SAFB: variants seen among roughly 807,000 people sequenced by gnomAD.
SAFB encodes the protein scaffold attachment factor B1.
SAFB carries 15 observed loss-of-function variants against 101.6 expected under a neutral mutation model. The observed-to-expected ratio is 0.15, with a 90% CI of 0.10 to 0.23. SAFB has a LOEUF of 0.23. SAFB is among the 10% of genes least tolerant of loss of function. The pLI is 1.00. For missense variants in SAFB, 930 were observed against 1,104.1 expected (o/e 0.84, Z 2.23); for synonymous variants, 449 against 407.5 (o/e 1.10, Z -1.23).
chr19:5,639,377 CAATT>C (rs753024786), intron 2 of SAFB, among the ~76,000 whole-genome samples: 2 of 152,212 alleles, frequency 1.3e-5, no homozygotes, highest in East Asian at 1.9e-4. Context: ...ATTTTAAAAA[CAATT>C]AATAGCTTGG....
intron 14 of SAFB, among the ~76,000 whole-genome samples, chr19:5,659,491 C>T (rs2054145444): frequency 6.6e-6 from 1 of 151,796 alleles, no homozygotes; most frequent in South Asian, 2.1e-4. Context: ...ACACCATTCT[C>T]CTGCCTCAGC....
Position 5,623,165 on chromosome 19 carries a change from C to T in SAFB, c.-41C>T, listed in dbSNP as rs780589814. ...TGCTAGGAGCCTGATAAAACCGGCC[C>T]GGTTCTGTGGAAAGTGGGCGGCGGA... On this transcript the variant is annotated 5_prime_UTR_variant, in exon 1 of 21. Transcript: ENST00000588852. 17 of 1,546,216 alleles carry T rather than the reference C, an allele frequency of 1.1e-5. No individual in the cohort carries two copies. Among genetic ancestry groups the T allele is most frequent in the Non-Finnish European group, 1.4e-5 (16 of 1,143,660 alleles).
At chr19:5,664,215 T>G in intron 16 of SAFB, 56 bp downstream of exon 16, 2 of 1,586,906 alleles carry the variant, frequency 1.3e-6, no homozygotes, top group Non-Finnish European at 1.7e-6. Flanking sequence ...TCATTCTGAC[T>G]GAGAACAAGG....
intron 2 of SAFB, among the ~76,000 whole-genome samples, chr19:5,633,643 G>C (rs2053535685): frequency 6.6e-6 from 1 of 152,168 alleles, no homozygotes; most frequent in Admixed American, 6.5e-5. Context: ...GGCAGGCGTG[G>C]TGGCGGGCGC....
chr19:5,653,006 A>G lies in SAFB; in HGVS notation c.1294-109A>G, dbSNP rs138051976. On this transcript the variant is annotated intron_variant, in intron 9 of 20. Transcript: ENST00000588852. Reference sequence around the variant, plus strand: ...TTAGTAGCATTGTCCTCCCCAGTCTAACACTTGTCGGACCCCTGATGAGCA... The same window carrying G: ...TTAGTAGCATTGTCCTCCCCAGTCTGACACTTGTCGGACCCCTGATGAGCA... 4.2e-4 allele frequency: 466 copies of G among 1,098,254 alleles called. 3 individuals carry two copies. The Middle Eastern group carries it at 5.8e-3, about 14-fold the overall frequency. 68.0% of individuals were successfully genotyped at this position (1,098,254 alleles called of 1,614,324 possible).
chr19:5,623,298 C>T lies in SAFB; in HGVS notation c.93C>T (p.Leu31=), dbSNP rs746792842. Residue 31 remains leucine (L), a synonymous_variant, in exon 1 of 21, where the codon CTC becomes CTT. Transcript: ENST00000588852. Reference sequence around the variant, plus strand: ...CGTCAGAGACCGGGACGCGGCGCCTCAGCGACCTGCGAGTGATCGATCTGC... The same window carrying T: ...CGTCAGAGACCGGGACGCGGCGCCTTAGCGACCTGCGAGTGATCGATCTGC... ...SASSETGTRR[L]SDLRVIDLRA... is the part of the protein sequence containing the mutation. 1.2e-6 allele frequency: 2 copies of T among 1,613,964 alleles called. No individual in the cohort carries two copies. Among genetic ancestry groups the T allele is most frequent in the African/African-American group, 1.3e-5 (1 of 75,056 alleles).
intron 14 of SAFB, among the ~76,000 whole-genome samples, chr19:5,660,342 C>CTTTTTTT (rs11360129): frequency 3.9e-5 from 2 of 50,936 alleles, no homozygotes; most frequent in Non-Finnish European, 6.9e-5. Flanking sequence ...CTGCACACAC[C>CTTTTTTT]TTTTTTTTTT....
intron 13 of SAFB, 109 bp downstream of exon 13, chr19:5,654,565 C>A: frequency 1.3e-6 from 1 of 780,660 alleles, no homozygotes; most frequent in Non-Finnish European, 2.2e-6. Context: ...TTTTGTCGGC[C>A]GTTTCGAAAA....
chr19:5,625,835 C>CGGAT (rs1056965375), intron 1 of SAFB, among the ~76,000 whole-genome samples: 1 of 152,086 alleles, frequency 6.6e-6, no homozygotes, highest in African/African-American at 2.4e-5. Flanking sequence ...TGATGGGGAT[C>CGGAT]GGATGAGGTC....
At chr19:5,648,179 C>A in intron 6 of SAFB, 136 bp downstream of exon 6, 1 of 719,884 alleles carries the variant, frequency 1.4e-6, no homozygotes, top group Non-Finnish European at 2.3e-6. Flanking sequence ...CAATCCAAAA[C>A]CTACCAGGAT....
intron 2 of SAFB, among the ~76,000 whole-genome samples, chr19:5,631,165 G>A (rs902285433): frequency 2.0e-5 from 3 of 152,182 alleles, no homozygotes; most frequent in African/African-American, 7.2e-5. Flanking sequence ...ACTCCAGCCT[G>A]GGCAACAGTG....
At chr19:5,645,107 T>C (rs1172603121) in intron 4 of SAFB, among the ~76,000 whole-genome samples, 1 of 152,228 alleles carries the variant, frequency 6.6e-6, no homozygotes, top group African/African-American at 2.4e-5. Context: ...AAAACCTACA[T>C]AGCTACCATA....
rs1486186569 is a variant in SAFB, at chr19:5,667,708, C to T, written c.2558-112C>T. 1.2e-5 allele frequency: 12 copies of T among 1,025,484 alleles called. No individual in the cohort carries two copies. In the South Asian group the frequency reaches 1.7e-4, roughly 14 times the overall value. 63.5% of individuals were successfully genotyped at this position (1,025,484 alleles called of 1,614,324 possible). On this transcript the variant is annotated intron_variant, in intron 19 of 20. Transcript: ENST00000588852. The surrounding 1 kb of genome is among the most constrained non-coding windows in gnomAD (Gnocchi z 4.0). ...TGCCCAGGTGTCTTCCTGGGACCCG[C>T]TAGTTGTGGGTACCTGGGGGCCTCA...
At chr19:5,666,804 G>C (rs1229474217) in intron 17 of SAFB, 6 of 565,764 alleles carry the variant, frequency 1.1e-5, no homozygotes, top group Admixed American at 3.2e-5. Context: ...GTGCTGTGGG[G>C]ACCTGCCTTG....
intron 5 of SAFB, among the ~76,000 whole-genome samples, chr19:5,646,733 T>C (rs2053835449): frequency 6.6e-6 from 1 of 152,208 alleles, no homozygotes; most frequent in South Asian, 2.1e-4. Context: ...CAGTCACACC[T>C]ACTTATTGGG....
At chr19:5,656,500 T>C (rs1369056477) in intron 13 of SAFB, among the ~76,000 whole-genome samples, 1 of 151,612 alleles carries the variant, frequency 6.6e-6, no homozygotes, top group African/African-American at 2.4e-5. Flanking sequence ...GGTCTCAAAC[T>C]CCTGACTTCA....
At position 5,668,449 on chromosome 19, in the gene SAFB, A is replaced by T; in HGVS notation, c.*158A>T. 5 of 715,824 alleles carry T rather than the reference A, an allele frequency of 7.0e-6. No homozygotes were observed. Among genetic ancestry groups the T allele is most frequent in the Non-Finnish European group, 1.1e-5 (5 of 461,404 alleles). 44.3% of individuals were successfully genotyped at this position (715,824 alleles called of 1,614,324 possible). On this transcript the variant is annotated 3_prime_UTR_variant, in exon 21 of 21. Coordinates refer to ENST00000588852, the MANE Select transcript of SAFB (RefSeq NM_001201338.2). ...CGTTTTGGGGTTTTTTTTTTTTGTA[A>T]TAAATGTGTTTCCGTTCACATACCC...
At position 5,626,432 on chromosome 19, in the gene SAFB, G is replaced by C. The variant is rs368358585; in HGVS notation, c.217G>C (p.Asp73His). Residue 73 changes from aspartate to histidine, a missense_variant, in exon 2 of 21, where the codon GAC (aspartate) becomes CAC (histidine). Asp to His is a moderately conservative substitution (Grantham distance 81). Coordinates refer to ENST00000588852, the MANE Select transcript of SAFB (RefSeq NM_001201338.2). Reference sequence around the variant, plus strand: ...AATTGAAGATGAAGGTGGTAATCCTGACGAAATTGAAATTACCTCCGAGGG... The same window carrying C: ...AATTGAAGATGAAGGTGGTAATCCTCACGAAATTGAAATTACCTCCGAGGG... ...KAIEDEGGNP[D>H]EIEITSEGNK... 8.3e-5 allele frequency: 134 copies of C among 1,610,244 alleles called. 1 individual carries two copies. Among genetic ancestry groups the C allele is most frequent in the Non-Finnish European group, 9.9e-5 (116 of 1,176,612 alleles).
intron 2 of SAFB, among the ~76,000 whole-genome samples, chr19:5,628,001 A>T (rs1330430611): frequency 1.3e-5 from 2 of 152,186 alleles, no homozygotes; most frequent in African/African-American, 2.4e-5. Context: ...CTGTAATGCC[A>T]GCACTTTGGG....
Sources: allele counts gnomAD v4.1 joint callset (sites outside exome capture counted in the v4.1 genomes callset), GRCh38; gene constraint gnomAD v4.1.1; non-coding constraint Gnocchi (gnomAD v3.1); transcripts MANE v1.5; gene names NCBI Gene and HGNC (gene_info 2026-07-23, HGNC 2026-07-21).